TAF4B: variants seen among roughly 807,000 people sequenced by gnomAD.
TAF4B encodes the protein TATA-box binding protein associated factor 4b.
Under a neutral mutation model 86.4 loss-of-function variants are expected in TAF4B, and 38 were observed. The observed-to-expected ratio is 0.44, with a 90% CI of 0.34 to 0.58. The LOEUF (loss-of-function observed/expected upper bound fraction) is 0.58. Among genes scored for constraint, TAF4B ranks in the 20% least tolerant of loss-of-function variants. The pLI is 0.02. For synonymous variants in TAF4B, 388 were observed against 391.2 expected, an observed-to-expected ratio of 0.99 and a Z score of 0.10; for missense variants, 988 against 1,027.6, an observed-to-expected ratio of 0.96 and a Z score of 0.53.
At chr18:26,339,984 A>T (rs2057123660) in intron 13 of TAF4B, among the ~76,000 whole-genome samples, 1 of 152,180 alleles carries the variant, frequency 6.6e-6, no homozygotes, top group African/African-American at 2.4e-5. Context: ...TGGATTTATT[A>T]TCGGATGGTG....
intron 14 of TAF4B, among the ~76,000 whole-genome samples, chr18:26,378,192 A>G (rs530069955): frequency 3.3e-5 from 5 of 152,254 alleles, no homozygotes; most frequent in African/African-American, 1.2e-4. Flanking sequence ...CAGCAGTACT[A>G]AACATTGCAC....
chr18:26,250,303 C>T (rs539744244), intron 1 of TAF4B, among the ~76,000 whole-genome samples: 1 of 152,202 alleles, frequency 6.6e-6, no homozygotes, highest in South Asian at 2.1e-4. Context: ...CGAGACTGTC[C>T]TGGCTAACAC....
At position 26,383,572 on chromosome 18, in the gene TAF4B, C is replaced by T. The variant is rs529369537; in HGVS notation, c.2422-6273C>T. On this transcript the variant is annotated intron_variant, in intron 14 of 14. Transcript: ENST00000269142. ...TCATTAAGAAATTGAACAGTGGCAT[C>T]TGGAAAATGAGAGAGCGTTCTGTTG... 1.4e-3 allele frequency among the ~76,000 whole-genome samples: 210 copies of T among 152,296 alleles called. 1 individual carries two copies. Among genetic ancestry groups the T allele is most frequent in the African/African-American group, 4.8e-3 (198 of 41,566 alleles).
chr18:26,323,529 T>A (rs1394814258), intron 11 of TAF4B, among the ~76,000 whole-genome samples: 1 of 145,296 alleles, frequency 6.9e-6, no homozygotes, highest in African/African-American at 2.5e-5. Context: ...CCAACTAATT[T>A]TTTTTTTTTT....
intron 9 of TAF4B, among the ~76,000 whole-genome samples, chr18:26,302,578 G>T (rs2056747617): frequency 6.6e-6 from 1 of 151,836 alleles, no homozygotes; most frequent in African/African-American, 2.4e-5. Flanking sequence ...GTCCAGGCTG[G>T]TTTCAAACTG....
intron 9 of TAF4B, among the ~76,000 whole-genome samples, chr18:26,297,086 AT>A (rs2056672566): frequency 6.6e-6 from 1 of 151,562 alleles, no homozygotes; most frequent in Non-Finnish European, 1.5e-5. Context: ...GTGAGCTGAG[AT>A]TGCGCCACTG....
chr18:26,386,460 C>T (rs1421876295), intron 14 of TAF4B, among the ~76,000 whole-genome samples: 1 of 152,084 alleles, frequency 6.6e-6, no homozygotes, highest in East Asian at 1.9e-4. Context: ...AGAAAGTACA[C>T]AAGTCATAAG....
At chr18:26,246,220 T>C (rs544975865) in intron 1 of TAF4B, among the ~76,000 whole-genome samples, 2 of 152,160 alleles carry the variant, frequency 1.3e-5, no homozygotes, top group East Asian at 1.9e-4. Context: ...TATAGAGAAA[T>C]GTAGGCTGGA....
intron 9 of TAF4B, among the ~76,000 whole-genome samples, chr18:26,297,608 C>T (rs972552471): frequency 5.3e-5 from 8 of 152,110 alleles, no homozygotes; most frequent in Non-Finnish European, 1.0e-4. Flanking sequence ...TTGTGTCTGG[C>T]TTCTTTTGGT....
At chr18:26,384,771 A>G (rs749059177) in intron 14 of TAF4B, among the ~76,000 whole-genome samples, 1 of 152,200 alleles carries the variant, frequency 6.6e-6, no homozygotes, top group Non-Finnish European at 1.5e-5. Flanking sequence ...AGCGTATGCC[A>G]TTGTCATTTA....
chr18:26,272,407 A>G (rs1676994), intron 3 of TAF4B, among the ~76,000 whole-genome samples: 142,073 of 152,188 alleles, frequency 0.93, 66,607 homozygotes, highest in East Asian at 0.99. Flanking sequence ...CCCGCGGCAC[A>G]GGGGTTGGGG....
In TAF4B at chr18:26,274,527, T is replaced by C. The variant is rs2056359084; in HGVS notation, c.598-136T>C. The C allele has an allele frequency of 3.4e-6, 3 of 883,294 alleles. No homozygotes were observed. The South Asian group carries it at 5.4e-5, about 16-fold the overall frequency. 54.7% of individuals were successfully genotyped at this position (883,294 alleles called of 1,614,324 possible). A position where few individuals can be genotyped will look rare whatever the true frequency, so the allele number is the denominator to read the frequency against. Reference sequence around the variant, plus strand: ...GACTCAAGAGTTCCTAGAACTGTATTATATTGCCTTAGACTACTAGAGCAT... The same window carrying C: ...GACTCAAGAGTTCCTAGAACTGTATCATATTGCCTTAGACTACTAGAGCAT... On this transcript the variant is annotated intron_variant, in intron 3 of 14. Transcript: ENST00000269142.
At chr18:26,373,208 T>C (rs1400196736) in intron 14 of TAF4B, among the ~76,000 whole-genome samples, 1 of 152,180 alleles carries the variant, frequency 6.6e-6, no homozygotes, top group Non-Finnish European at 1.5e-5. Context: ...TAATTTGAAA[T>C]GGGGATTGAC....
intron 1 of TAF4B, among the ~76,000 whole-genome samples, chr18:26,236,810 T>TG (rs1166804036): frequency 6.6e-6 from 1 of 152,196 alleles, no homozygotes; most frequent in Non-Finnish European, 1.5e-5. Context: ...GGTTTAATAA[T>TG]GCCTCCAGAT....
chr18:26,309,614 TTTTG>T (rs1293165970), intron 9 of TAF4B, among the ~76,000 whole-genome samples: 1 of 152,090 alleles, frequency 6.6e-6, no homozygotes, highest in Non-Finnish European at 1.5e-5. Context: ...ATATGTTAAT[TTTTG>T]TTAAAGTATG....
chr18:26,301,944 A>G (rs2056738118), intron 9 of TAF4B, among the ~76,000 whole-genome samples: 1 of 152,142 alleles, frequency 6.6e-6, no homozygotes, highest in African/African-American at 2.4e-5. Flanking sequence ...GAAAAAAAAC[A>G]TGGAGAAATT....
chr18:26,348,344 A>G (rs890428952), intron 13 of TAF4B: 3 of 152,404 alleles, frequency 2.0e-5, no homozygotes, highest in African/African-American at 7.2e-5. Flanking sequence ...AAGCCTTACT[A>G]ACCATCAGGT....
At chr18:26,269,762 T>C (rs1222840155) in intron 3 of TAF4B, among the ~76,000 whole-genome samples, 1 of 152,196 alleles carries the variant, frequency 6.6e-6, no homozygotes, top group Non-Finnish European at 1.5e-5. Context: ...AAGTGTTATC[T>C]CTATTTTATA....
At chr18:26,332,165 T>C (rs2057055297) in intron 12 of TAF4B, among the ~76,000 whole-genome samples, 1 of 152,250 alleles carries the variant, frequency 6.6e-6, no homozygotes, top group African/African-American at 2.4e-5. Context: ...TCCAAGATGC[T>C]TGGGACAAAA....
Sources: allele counts gnomAD v4.1 joint callset (sites outside exome capture counted in the v4.1 genomes callset), GRCh38; gene constraint gnomAD v4.1.1; transcripts MANE v1.5; gene names NCBI Gene and HGNC (gene_info 2026-07-23, HGNC 2026-07-21).